Variants in DHRS7 observed in about 807,000 individuals in gnomAD.
The protein encoded by DHRS7 is dehydrogenase/reductase SDR family member 7.
Under a neutral mutation model 38.9 loss-of-function variants are expected in DHRS7, and 34 were observed. The observed-to-expected ratio is 0.87, with a 90% confidence interval of 0.66 to 1.16. The LOEUF (loss-of-function observed/expected upper bound fraction) is 1.16, where lower values mean the gene tolerates loss of function less well. Ranked by LOEUF, DHRS7 falls within the 50% of genes most tolerant of loss-of-function variation. The probability of loss-of-function intolerance (pLI) is 0.00; values close to 1 mark genes in which losing one functional copy is unlikely to be tolerated. For synonymous variants in DHRS7, 158 were observed against 153.1 expected (o/e 1.03, Z -0.24); for missense variants, 421 against 407.0 (o/e 1.03, Z -0.30).
intron 4 of DHRS7, 113 bp from the exon 5 acceptor site, chr14:60,150,300 A>G: frequency 3.0e-6 from 3 of 1,001,136 alleles, no homozygotes; most frequent in East Asian, 2.9e-5. Context: ...TAGTGTAATC[A>G]TGCAAGCTTA....
chr14:60,150,972 A>C (rs889818541), intron 4 of DHRS7, among the ~76,000 whole-genome samples: 1 of 152,120 alleles, frequency 6.6e-6, no homozygotes, highest in Non-Finnish European at 1.5e-5. Context: ...CCACTCCAAA[A>C]GGGGTATATG....
At chr14:60,160,461 C>T (rs947857865) in intron 1 of DHRS7, among the ~76,000 whole-genome samples, 3 of 148,350 alleles carry the variant, frequency 2.0e-5, no homozygotes, top group Non-Finnish European at 4.4e-5. Context: ...TGGAAAAGTA[C>T]TTGGGAAAAT....
chr14:60,160,381 A>G (rs375445073), intron 1 of DHRS7, among the ~76,000 whole-genome samples: 93 of 145,838 alleles, frequency 6.4e-4, no homozygotes, highest in African/African-American at 2.1e-3. Flanking sequence ...CCTACTTTGT[A>G]TCTGAAAAGA....
rs1896773752 is a variant in DHRS7 at position 60,162,028 on chromosome 14, G to C, written c.133+3149C>G. 6.6e-6 allele frequency among the ~76,000 whole-genome samples: 1 copy of C among 152,248 alleles called. No individual in the cohort carries two copies. Among genetic ancestry groups the C allele is most frequent in the African/African-American group, 2.4e-5 (1 of 41,528 alleles). Reference sequence around the variant, plus strand: ...TTGAAATTTTTCCTCCTCTAGACTTGTGCCATGGATTTTTCTGGACCATTT... The same window carrying C: ...TTGAAATTTTTCCTCCTCTAGACTTCTGCCATGGATTTTTCTGGACCATTT... On this transcript the variant is annotated intron_variant, in intron 1 of 6. Transcript: ENST00000557185. This position sits in a 1 kb window ranked among gnomAD's most constrained non-coding sequence, Gnocchi z 4.5.
intron 4 of DHRS7, among the ~76,000 whole-genome samples, chr14:60,150,941 T>C (rs978671086): frequency 1.3e-5 from 2 of 152,118 alleles, no homozygotes; most frequent in Non-Finnish European, 2.9e-5. Flanking sequence ...ATATATGCTC[T>C]TCATACCAGT....
At chr14:60,166,687 G>A (rs1374066799), upstream of DHRS7, among the ~76,000 whole-genome samples, 1 of 152,118 alleles carries the variant, frequency 6.6e-6, no homozygotes, top group East Asian at 1.9e-4. Flanking sequence ...GGGTTATCTG[G>A]ACTCAGAGTC....
chr14:60,153,985 T>C lies in DHRS7; in HGVS notation c.367A>G (p.Lys123Glu). 1 of 1,614,104 alleles carries C rather than the reference T, an allele frequency of 6.2e-7. No homozygotes were observed. The highest frequency in any genetic ancestry group is 8.5e-7 in the Non-Finnish European group (1 of 1,179,970). Residue 123 changes from lysine (K) to glutamate (E), a missense_variant, in exon 3 of 7, where the codon AAA becomes GAA. By Grantham distance (56) the Lys-to-Glu change is moderately conservative. Coordinates refer to ENST00000557185, the MANE Select transcript of DHRS7 (RefSeq NM_016029.4). The surrounding 1 kb of genome is among the most constrained non-coding windows in gnomAD (Gnocchi z 4.4). The stretch of plus-strand genomic sequence containing the variant: ...CTACCAAACTCCTGGAGAACAGCTT[T>C]GGTAGCCGCTTCATGGGAACCAGTG... Reference protein sequence around the residue: ...TDTGSHEAATKAVLQEFGRID... With the variant: ...TDTGSHEAATEAVLQEFGRID...
upstream of DHRS7, chr14:60,168,628 T>C: frequency 6.8e-7 from 1 of 1,475,570 alleles, no homozygotes; most frequent in Non-Finnish European, 9.0e-7. Flanking sequence ...TGCAAATATT[T>C]TCTTAAAATT....
chr14:60,162,775 T>C lies in DHRS7; in HGVS notation c.133+2402A>G, dbSNP rs928316875. On this transcript the variant is annotated intron_variant, in intron 1 of 6. Transcript: ENST00000557185. The surrounding 1 kb of genome is among the most constrained non-coding windows in gnomAD (Gnocchi z 4.5). ...CCAGGAGTCTTTTTAGACTTTTTTT[T>C]CCCCTAAAACTCTCCTGTGAAATGT... 3.3e-5 allele frequency among the ~76,000 whole-genome samples: 5 copies of C among 152,300 alleles called. No individual in the cohort carries two copies. Among genetic ancestry groups the C allele is most frequent in the South Asian group, 2.1e-4 (1 of 4,834 alleles).
At chr14:60,155,905 G>A (rs1267624668) in intron 2 of DHRS7, 95 bp downstream of exon 2, 5 of 1,241,506 alleles carry the variant, frequency 4.0e-6, no homozygotes, top group Non-Finnish European at 5.3e-6. Flanking sequence ...GGAGCCGGGG[G>A]GAAATCTCAC....
rs111404466 is a variant in DHRS7, at chr14:60,153,702, C to CATACATAA, written c.393+256_393+257insTTATGTAT. Among the ~76,000 whole-genome samples the CATACATAA allele has an allele frequency of 1.3e-5, 2 of 151,404 alleles. No individual in the cohort carries two copies. Among genetic ancestry groups the CATACATAA allele is most frequent in the African/African-American group, 4.9e-5 (2 of 40,962 alleles). ...CAGAGCAAGACTTTGTCTCAAAATA[C>CATACATAA]ATAAATAAATAAATAAAAGCAGCCG... On this transcript the variant is annotated intron_variant, in intron 3 of 6. Coordinates refer to ENST00000557185, the MANE Select transcript of DHRS7 (RefSeq NM_016029.4). This position sits in a 1 kb window ranked among gnomAD's most constrained non-coding sequence, Gnocchi z 4.4.
upstream of DHRS7, among the ~76,000 whole-genome samples, chr14:60,167,367 T>C (rs1427825252): frequency 6.6e-6 from 1 of 152,268 alleles, no homozygotes; most frequent in Non-Finnish European, 1.5e-5. Flanking sequence ...TCTCTAAGTA[T>C]TATTAAAATG....
chr14:60,168,096 TACCTAG>T (rs1896889523), upstream of DHRS7, among the ~76,000 whole-genome samples: 1 of 152,244 alleles, frequency 6.6e-6, no homozygotes, highest in South Asian at 2.1e-4. Flanking sequence ...GACAAGGTCT[TACCTAG>T]AGTCTTATTT....
chr14:60,165,461 T>C (rs1595204250), upstream of DHRS7: 3 of 1,360,268 alleles, frequency 2.2e-6, no homozygotes, highest in Non-Finnish European at 2.8e-6. This position sits in a 1 kb window ranked among gnomAD's most constrained non-coding sequence, Gnocchi z 4.6. Context: ...GAGGAGCGGC[T>C]CGGGCGCGCC....
chr14:60,166,280 C>G, upstream of DHRS7: 1 of 985,366 alleles, frequency 1.0e-6, no homozygotes, highest in Non-Finnish European at 1.2e-6. Flanking sequence ...ATTCACAAGC[C>G]TCAGAGGGAC....
At chr14:60,152,904 T>G in intron 4 of DHRS7, 35 bp downstream of exon 4, 1 of 1,612,406 alleles carries the variant, frequency 6.2e-7, no homozygotes, top group Non-Finnish European at 8.5e-7. Context: ...CACATTTAAG[T>G]CAGTTCTATC....
rs1306885580 is a variant in DHRS7 at position 60,149,444 on chromosome 14, A to G, written c.881T>C (p.Val294Ala). The G allele has an allele frequency of 6.2e-7, 1 of 1,614,080 alleles. No individual in the cohort carries two copies. Among genetic ancestry groups the G allele is most frequent in the Non-Finnish European group, 8.5e-7 (1 of 1,180,036 alleles). Residue 294 changes from valine to alanine, a missense_variant, in exon 6 of 7, where the codon GTA (valine) becomes GCA (alanine). Physicochemically the swap from Val to Ala is moderately conservative, Grantham distance 64. Transcript: ENST00000557185. ...VWISEQPFLLVTYLWQYMPTW... is the reference protein window; with the variant it reads ...VWISEQPFLLATYLWQYMPTW... ...TGGCATGTATTGCCACAAATATGTT[A>G]CTAACAAGAAAGGTTGTTCTGAGAT...
chr14:60,149,263 C>T (rs772915402), intron 6 of DHRS7, 90 bp downstream of exon 6: 7 of 1,286,722 alleles, frequency 5.4e-6, no homozygotes, highest in East Asian at 2.4e-5. Context: ...GCCACTGCAC[C>T]CAGCCAGAAA....
rs886621778 is a variant in DHRS7, at chr14:60,161,634, G to C, written c.133+3543C>G. Among the ~76,000 whole-genome samples the C allele has an allele frequency of 6.6e-5, 10 of 152,174 alleles. No homozygotes were observed. The highest frequency in any genetic ancestry group is 2.2e-4 in the African/African-American group (9 of 41,434). On this transcript the variant is annotated intron_variant, in intron 1 of 6. Coordinates refer to ENST00000557185, the MANE Select transcript of DHRS7 (RefSeq NM_016029.4). The surrounding 1 kb of genome is among the most constrained non-coding windows in gnomAD (Gnocchi z 4.2). ...CTCACACCCACCTGCACCAATTCTA[G>C]TTGGTTAATGTTCCTCTTTATTAAA...
Sources: allele counts gnomAD v4.1 joint callset (sites outside exome capture counted in the v4.1 genomes callset), GRCh38; gene constraint gnomAD v4.1.1; non-coding constraint Gnocchi (gnomAD v3.1); transcripts MANE v1.5; gene names NCBI Gene and HGNC (gene_info 2026-07-23, HGNC 2026-07-21).